VPS35L: variants seen among roughly 807,000 people sequenced by gnomAD.
VPS35L encodes the protein VPS35 endosomal protein-sorting factor-like.
VPS35L carries 83 observed loss-of-function variants against 133.0 expected under a neutral mutation model. The ratio of observed to expected loss-of-function variants is 0.62; its 90% CI spans 0.52 to 0.75. VPS35L has a LOEUF of 0.75. Among genes scored for constraint, VPS35L ranks in the 30% least tolerant of loss-of-function variants. The probability of loss-of-function intolerance (pLI) is 0.00; values close to 1 mark genes in which losing one functional copy is unlikely to be tolerated. For synonymous variants in VPS35L, 423 were observed against 449.9 expected (o/e 0.94, Z 0.76); for missense variants, 1,083 against 1,206.8 (o/e 0.90, Z 1.52).
rs1972904098 is a variant in VPS35L at position 19,616,694 on chromosome 16, G to T, written c.1110G>T (p.Gly370=). The change falls in exon 14 of 31, where the codon GGG becomes GGT. Residue 370 remains glycine (G), a synonymous_variant. Transcript: ENST00000417362. The stretch of plus-strand genomic sequence containing the variant: ...TGTTTGGCCTCCTGTAGATTCATGG[G>T]GATACGGTCCAGAACCAGCTGGTGG... ...DFLLTFKQIH[G]DTVQNQLVVQ... The T allele has an allele frequency of 1.2e-6, 2 of 1,613,814 alleles. No homozygotes were observed. Among genetic ancestry groups the T allele is most frequent in the African/African-American group, 1.3e-5 (1 of 74,982 alleles).
intron 8 of VPS35L, among the ~76,000 whole-genome samples, chr16:19,593,197 A>G (rs1165237902): frequency 6.6e-6 from 1 of 152,154 alleles, no homozygotes; most frequent in East Asian, 1.9e-4. Flanking sequence ...ACATCGTGCC[A>G]TTAGCAGTTT....
intron 7 of VPS35L, among the ~76,000 whole-genome samples, chr16:19,589,380 G>A (rs1017247300): frequency 6.6e-6 from 1 of 152,010 alleles, no homozygotes; most frequent in Non-Finnish European, 1.5e-5. Flanking sequence ...AGTAGTTAGG[G>A]CTACAGGCAC....
chr16:19,565,778 CT>C (rs1971170901), intron 2 of VPS35L, among the ~76,000 whole-genome samples: 3 of 152,152 alleles, frequency 2.0e-5, no homozygotes, highest in Admixed American at 1.3e-4. Context: ...GACTTTGTTC[CT>C]GATTTGGCTG....
At chr16:19,590,609 A>G (rs1972014188) in intron 7 of VPS35L, among the ~76,000 whole-genome samples, 1 of 152,202 alleles carries the variant, frequency 6.6e-6, no homozygotes, top group Admixed American at 6.6e-5. Flanking sequence ...GTCTTCCATT[A>G]AAAGTCCTGA....
chr16:19,595,764 A>G (rs1360560188), intron 8 of VPS35L, among the ~76,000 whole-genome samples: 1 of 152,208 alleles, frequency 6.6e-6, no homozygotes, highest in Non-Finnish European at 1.5e-5. Flanking sequence ...GTTGCGTCCC[A>G]GAAAACAGCT....
intron 7 of VPS35L, chr16:19,581,872 T>G: frequency 5.3e-4 from 289 of 541,050 alleles, no homozygotes; most frequent in East Asian, 7.6e-4. Context: ...GGTTGTGCAC[T>G]GCACAACTCC....
chr16:19,579,331 C>T, intron 6 of VPS35L: 1 of 528,164 alleles, frequency 1.9e-6, no homozygotes. Flanking sequence ...GGCTGCTTTT[C>T]TAGAGGCCTC....
chr16:19,617,162 C>A, intron 14 of VPS35L: 1 of 543,410 alleles, frequency 1.8e-6, no homozygotes. Flanking sequence ...TTGAGACGAG[C>A]TTTGGCAACA....
At chr16:19,684,202 C>T (rs912553671) in intron 28 of VPS35L, among the ~76,000 whole-genome samples, 29 of 152,282 alleles carry the variant, frequency 1.9e-4, no homozygotes, top group Middle Eastern at 3.4e-3. Flanking sequence ...GCAGCCTCCT[C>T]GTGTCCTGGA....
intron 8 of VPS35L, among the ~76,000 whole-genome samples, chr16:19,594,558 C>A (rs867239142): frequency 1.4e-5 from 2 of 140,106 alleles, no homozygotes; most frequent in South Asian, 2.3e-4. Flanking sequence ...GCAGGAGAAT[C>A]GCTTGAACCC....
intron 26 of VPS35L, among the ~76,000 whole-genome samples, chr16:19,653,914 A>T (rs1974215979): frequency 6.6e-6 from 1 of 151,972 alleles, no homozygotes; most frequent in African/African-American, 2.4e-5. Flanking sequence ...CTCATGGGGG[A>T]CTTCAGTAGC....
chr16:19,695,140 T>C (rs951664282), intron 29 of VPS35L, among the ~76,000 whole-genome samples: 3 of 152,190 alleles, frequency 2.0e-5, no homozygotes, highest in African/African-American at 7.2e-5. Flanking sequence ...TGGTTCTGGC[T>C]CCGCCCTCTA....
At chr16:19,611,556 G>A (rs1183909032) in intron 12 of VPS35L, among the ~76,000 whole-genome samples, 1 of 152,140 alleles carries the variant, frequency 6.6e-6, no homozygotes, top group Non-Finnish European at 1.5e-5. Context: ...ATGACAGCCA[G>A]CAAATGTCGG....
At chr16:19,695,271 T>C (rs1975866169) in intron 29 of VPS35L, among the ~76,000 whole-genome samples, 1 of 152,144 alleles carries the variant, frequency 6.6e-6, no homozygotes, top group Non-Finnish European at 1.5e-5. Flanking sequence ...TAATCAGAGG[T>C]GGTCACTGAC....
intron 1 of VPS35L, among the ~76,000 whole-genome samples, chr16:19,560,109 A>T (rs554755512): frequency 1.3e-5 from 2 of 152,380 alleles, no homozygotes; most frequent in Admixed American, 1.3e-4. Context: ...AGTTCTCAAC[A>T]TGACTTATAG....
chr16:19,607,344 G>T (rs1202820647), intron 9 of VPS35L, among the ~76,000 whole-genome samples: 3 of 152,134 alleles, frequency 2.0e-5, no homozygotes, highest in African/African-American at 7.2e-5. Flanking sequence ...CTGCATTCCA[G>T]TCAGTGAGCA....
intron 7 of VPS35L, among the ~76,000 whole-genome samples, chr16:19,588,012 G>T (rs1379825204): frequency 6.6e-6 from 1 of 151,378 alleles, no homozygotes. Flanking sequence ...GTTGGCCAGG[G>T]TGGTCTCGAA....
chr16:19,657,168 T>C (rs1446504780), intron 26 of VPS35L, among the ~76,000 whole-genome samples: 3 of 152,052 alleles, frequency 2.0e-5, no homozygotes, highest in Non-Finnish European at 2.9e-5. Flanking sequence ...GGTTTTACCA[T>C]GTTGGCCAGG....
At chr16:19,575,855 TA>T (rs1319467052) in intron 5 of VPS35L, among the ~76,000 whole-genome samples, 1 of 138,072 alleles carries the variant, frequency 7.2e-6, no homozygotes, top group South Asian at 2.3e-4. Context: ...AATTCCGTAT[TA>T]AAAAAATATA....
Sources: allele counts gnomAD v4.1 joint callset (sites outside exome capture counted in the v4.1 genomes callset), GRCh38; gene constraint gnomAD v4.1.1; transcripts MANE v1.5; gene names NCBI Gene and HGNC (gene_info 2026-07-23, HGNC 2026-07-21).